BRAF: variants seen among roughly 807,000 people sequenced by gnomAD.
BRAF encodes the protein serine/threonine-protein kinase B-raf.
A neutral mutation model predicts 104.6 loss-of-function variants in BRAF; 16 were observed. That is an observed-to-expected ratio of 0.15 (90% CI 0.10 to 0.23). The LOEUF is 0.23. Among genes scored for constraint, BRAF ranks in the 10% least tolerant of loss-of-function variants. BRAF has a pLI of 1.00. For missense variants in BRAF, 541 were observed against 937.3 expected (o/e 0.58, Z 5.52); for synonymous variants, 310 against 341.6 (o/e 0.91, Z 1.02).
At position 140,865,075 on chromosome 7, in the gene BRAF, A is replaced by G. The variant is rs191004970; in HGVS notation, c.139-14863T>C. Among the ~76,000 whole-genome samples, 17 of 146,696 alleles carry G rather than the reference A, an allele frequency of 1.2e-4. No homozygotes were observed. In the South Asian group the frequency reaches 1.5e-3, roughly 13 times the overall value. On this transcript the variant is annotated intron_variant, in intron 1 of 19. Coordinates refer to ENST00000644969, the MANE Select transcript of BRAF (RefSeq NM_001374258.1). ...TGAGAGGTTTGCAATGAGTGGAGGA[A>G]ATGAATTTTTTTTTTTTTTTCTGAG...
intron 14 of BRAF, among the ~76,000 whole-genome samples, chr7:140,765,106 G>T (rs1013226828): frequency 9.9e-5 from 15 of 152,054 alleles, no homozygotes; most frequent in Admixed American, 2.0e-4. Flanking sequence ...CAGAGATATA[G>T]ATCAATGGAA....
intron 1 of BRAF, among the ~76,000 whole-genome samples, chr7:140,904,106 A>C (rs1816008606): frequency 6.6e-6 from 1 of 152,234 alleles, no homozygotes; most frequent in South Asian, 2.1e-4. Flanking sequence ...ACTGACTCTA[A>C]TTTTAAAAGC....
intron 17 of BRAF, chr7:140,740,153 T>C (rs1427872876): frequency 5.4e-6 from 3 of 560,600 alleles, no homozygotes; most frequent in Non-Finnish European, 9.4e-6. Flanking sequence ...TTCATGATCC[T>C]TGGACTGTGG....
rs571359482 is a variant in BRAF at position 140,873,849 on chromosome 7, T to G, written c.139-23637A>C. 2.0e-5 allele frequency among the ~76,000 whole-genome samples: 3 copies of G among 152,198 alleles called. No individual in the cohort carries two copies. The South Asian group carries it at 6.2e-4, about 32-fold the overall frequency. ...TTGAATATACTCCCTGATACACAGATAGACACACAAAGAAAGAATAGAAAC... is the reference window on the plus strand; with the variant it reads ...TTGAATATACTCCCTGATACACAGAGAGACACACAAAGAAAGAATAGAAAC... On this transcript the variant is annotated intron_variant, in intron 1 of 19. Coordinates refer to ENST00000644969, the MANE Select transcript of BRAF (RefSeq NM_001374258.1).
chr7:140,763,488 C>T lies in BRAF; in HGVS notation c.1815-9255G>A, dbSNP rs1183394568. 3.1e-4 allele frequency among the ~76,000 whole-genome samples: 47 copies of T among 152,300 alleles called. 1 individual carries two copies. In the East Asian group the frequency reaches 6.0e-3, roughly 19 times the overall value. ...CTGACCCCCCCACCTCCTTCCCGGA[C>T]GGGGCGGCTGGCCCAGGAGCTGGTT... On this transcript the variant is annotated intron_variant, in intron 14 of 19. Coordinates refer to ENST00000644969, the MANE Select transcript of BRAF (RefSeq NM_001374258.1).
At chr7:140,918,544 A>C (rs1254999922) in intron 1 of BRAF, among the ~76,000 whole-genome samples, 1 of 152,184 alleles carries the variant, frequency 6.6e-6, no homozygotes, top group African/African-American at 2.4e-5. Context: ...CCTGGTATAG[A>C]GGCACTAAAC....
In BRAF at chr7:140,848,204, G is replaced by A. The variant is rs1436206500; in HGVS notation, c.240+1907C>T. On this transcript the variant is annotated intron_variant, in intron 2 of 19. Coordinates refer to ENST00000644969, the MANE Select transcript of BRAF (RefSeq NM_001374258.1). ...AAAAGCTGTCTGGGGGGTGAGGGTG[G>A]GGAAAGAGCGAGACAATGTCATGAT... 2.6e-5 allele frequency among the ~76,000 whole-genome samples: 4 copies of A among 152,066 alleles called. No homozygotes were observed. The East Asian group carries it at 5.8e-4, about 22-fold the overall frequency.
chr7:140,858,030 T>G (rs149898022), intron 1 of BRAF, among the ~76,000 whole-genome samples: 5 of 152,254 alleles, frequency 3.3e-5, no homozygotes, highest in Admixed American at 1.3e-4. Flanking sequence ...TATGGGGAAA[T>G]GCTTCTTTAC....
chr7:140,887,294 G>A (rs189162112), intron 1 of BRAF, among the ~76,000 whole-genome samples: 131 of 152,254 alleles, frequency 8.6e-4, no homozygotes, highest in Non-Finnish European at 1.6e-3. Context: ...AACTGAAAAG[G>A]TCAGTTAAAT....
At chr7:140,819,075 C>T (rs1422315615) in intron 3 of BRAF, among the ~76,000 whole-genome samples, 1 of 152,204 alleles carries the variant, frequency 6.6e-6, no homozygotes, top group East Asian at 1.9e-4. Context: ...AGAACTTGTA[C>T]ATTTTCCCAT....
chr7:140,734,633 G>C lies in BRAF; in HGVS notation c.2385C>G (p.Ile795Met), dbSNP rs763340034. ...GAAACGCACCATATCCCCCTGCCTG[G>C]ATGGGTGTTTTTGGAGAAGCACAAG... is the stretch of plus-strand genomic sequence containing the variant. ...LYACASPKTP[I>M]QAGGYGEFAA... is the part of the protein sequence containing the mutation. Residue 795 changes from isoleucine to methionine, a missense_variant, in exon 19 of 20, where the codon ATC (isoleucine) becomes ATG (methionine). This residue lies in a region of BRAF where 129 missense variants were observed against 285.8 expected (regional missense o/e 0.45). Transcript: ENST00000644969. 1.9e-6 allele frequency: 3 copies of C among 1,613,696 alleles called. No individual in the cohort carries two copies. In the African/African-American group the frequency reaches 4.0e-5, roughly 22 times the overall value.
chr7:140,742,909 A>G (rs374177503), intron 17 of BRAF, among the ~76,000 whole-genome samples: 8,437 of 151,482 alleles, frequency 0.056, 272 homozygotes, highest in South Asian at 0.11. Flanking sequence ...AAAAGTGGGC[A>G]AAGGACATGA....
chr7:140,825,465 C>T (rs1345758396), intron 3 of BRAF, among the ~76,000 whole-genome samples: 1 of 152,162 alleles, frequency 6.6e-6, no homozygotes, highest in East Asian at 1.9e-4. Flanking sequence ...CTTCTGGTGT[C>T]ATATTTAAGA....
intron 2 of BRAF, among the ~76,000 whole-genome samples, chr7:140,845,610 G>C (rs1808458209): frequency 6.6e-6 from 1 of 152,098 alleles, no homozygotes; most frequent in South Asian, 2.1e-4. Flanking sequence ...TTAGTCATCA[G>C]GAAAATGCAA....
Position 140,722,549 on chromosome 7 carries a change from G to A in BRAF, c.*3945C>T, listed in dbSNP as rs373156336. The A allele has an allele frequency of 7.6e-6, 8 of 1,056,734 alleles. No individual in the cohort carries two copies. The highest frequency in any genetic ancestry group is 4.2e-4 in the Middle Eastern group (1 of 2,358). The allele number at this position is 1,056,734 out of a possible 1,614,324, so 65.5% of individuals were successfully genotyped here. ...TACTCACAGTAAACCTTCCATCTCT[G>A]GCTATGGTGTTTATAGCCTAATGGT... On this transcript the variant is annotated 3_prime_UTR_variant, in exon 20 of 20. Transcript: ENST00000644969.
At chr7:140,729,046 T>C (rs1795776425) in intron 19 of BRAF, among the ~76,000 whole-genome samples, 1 of 136,580 alleles carries the variant, frequency 7.3e-6, no homozygotes, top group African/African-American at 2.8e-5. Flanking sequence ...GGCAACATAG[T>C]GAGACGCTGT....
In BRAF at chr7:140,778,036, G is replaced by A. The variant is rs2129019613; in HGVS notation, c.1592C>T (p.Thr531Ile). The A allele has an allele frequency of 6.2e-7, 1 of 1,613,448 alleles. No homozygotes were observed. The highest frequency in any genetic ancestry group is 8.5e-7 in the Non-Finnish European group (1 of 1,179,768). ...AVKMLNVTAP[T>I]PQQLQAFKNE... ...TTTGAAGGCTTGTAACTGCTGAGGT[G>A]TAGGTGCTGTCACATTCAACATTTT... The change falls in exon 13 of 20, where the codon ACA (threonine) becomes ATA (isoleucine). Residue 531 changes from threonine (T) to isoleucine (I), a missense_variant. By Grantham distance (89) the Thr-to-Ile change is moderately conservative (BLOSUM62 -1). This residue lies in a region of BRAF where 109 missense variants were observed against 143.9 expected (regional missense o/e 0.76). Transcript: ENST00000644969.
intron 1 of BRAF, among the ~76,000 whole-genome samples, chr7:140,905,071 A>G (rs1001932343): frequency 9.9e-5 from 15 of 152,128 alleles, no homozygotes. Flanking sequence ...TACTCAGTCA[A>G]TTTTCCCCCC....
In BRAF at chr7:140,808,002, A is replaced by G. The variant is rs2129047893; in HGVS notation, c.669T>C (p.His223=). Residue 223 remains histidine (H), a synonymous_variant, in exon 5 of 20, where the codon CAT becomes CAC. Coordinates refer to ENST00000644969, the MANE Select transcript of BRAF (RefSeq NM_001374258.1). Reference sequence around the variant, plus strand: ...GTGGAACATTCTCCAACACTTCCACATGCAATTCTTCTCCAGTAAGCCAGG... The same window carrying G: ...GTGGAACATTCTCCAACACTTCCACGTGCAATTCTTCTCCAGTAAGCCAGG... ...DISWLTGEEL[H]VEVLENVPLT... 6 of 1,613,568 alleles carry G rather than the reference A, an allele frequency of 3.7e-6. No individual in the cohort carries two copies. The highest frequency in any genetic ancestry group is 2.2e-5 in the East Asian group (1 of 44,828).
Sources: allele counts gnomAD v4.1 joint callset (sites outside exome capture counted in the v4.1 genomes callset), GRCh38; gene constraint gnomAD v4.1.1; regional missense constraint gnomAD v4.1.1; transcripts MANE v1.5; gene names NCBI Gene and HGNC (gene_info 2026-07-23, HGNC 2026-07-21).